Variants in CORIN observed in about 807,000 individuals in gnomAD.
CORIN encodes the protein corin, serine peptidase, also known as atrial natriuretic peptide-converting enzyme.
CORIN carries 117 observed loss-of-function variants against 125.3 expected under a neutral mutation model. The observed-to-expected ratio is 0.93, with a 90% CI of 0.80 to 1.09. The LOEUF (loss-of-function observed/expected upper bound fraction) is 1.09, where lower values mean the gene tolerates loss of function less well. Ranked by LOEUF, CORIN falls within the 50% of genes least tolerant of loss-of-function variation. CORIN has a pLI of 0.00. For synonymous variants in CORIN, 450 were observed against 466.4 expected (o/e 0.96, Z 0.45); for missense variants, 1,253 against 1,306.7 (o/e 0.96, Z 0.63).
intron 1 of CORIN, among the ~76,000 whole-genome samples, chr4:47,807,993 T>C (rs980899068): frequency 1.3e-5 from 2 of 152,230 alleles, no homozygotes; most frequent in Admixed American, 6.5e-5. Flanking sequence ...AACTACCTCC[T>C]GAATCTCTCT....
intron 4 of CORIN, among the ~76,000 whole-genome samples, chr4:47,749,889 T>C (rs1407038262): frequency 6.6e-6 from 1 of 152,210 alleles, no homozygotes; most frequent in Non-Finnish European, 1.5e-5. Context: ...GTGAAGAGAA[T>C]GTTAATGCTG....
chr4:47,642,998 C>T (rs1358448919), intron 15 of CORIN, 148 bp downstream of exon 15: 1 of 1,538,864 alleles, frequency 6.5e-7, no homozygotes, highest in Non-Finnish European at 8.7e-7. Context: ...AAATAACACA[C>T]ATAGATCAGC....
In CORIN at chr4:47,653,542, C is replaced by T. The variant is rs549103251; in HGVS notation, c.1843+11G>A. Reference sequence around the variant, plus strand: ...TGTACATTCAAGAAAAGTACCATTGCACATACATACCACAGTTTTCCTCAT... The same window carrying T: ...TGTACATTCAAGAAAAGTACCATTGTACATACATACCACAGTTTTCCTCAT... On this transcript the variant is annotated intron_variant, in intron 13 of 21. Coordinates refer to ENST00000273857, the MANE Select transcript of CORIN (RefSeq NM_006587.4). 6.2e-7 allele frequency: 1 copy of T among 1,604,252 alleles called. No individual in the cohort carries two copies. Among genetic ancestry groups the T allele is most frequent in the Non-Finnish European group, 8.5e-7 (1 of 1,171,068 alleles).
intron 13 of CORIN, among the ~76,000 whole-genome samples, chr4:47,645,563 T>C (rs1723431580): frequency 1.3e-5 from 2 of 151,462 alleles, no homozygotes; most frequent in Non-Finnish European, 1.5e-5. Flanking sequence ...TATTGTGATA[T>C]AAATTGTACA....
chr4:47,775,572 G>C (rs1006180827), intron 3 of CORIN, among the ~76,000 whole-genome samples: 1 of 152,030 alleles, frequency 6.6e-6, no homozygotes, highest in Admixed American at 6.5e-5. Flanking sequence ...GCTGCATAGT[G>C]TTCCATGGTG....
intron 5 of CORIN, among the ~76,000 whole-genome samples, chr4:47,713,966 A>G (rs1389451575): frequency 6.6e-6 from 1 of 152,132 alleles, no homozygotes; most frequent in African/African-American, 2.4e-5. Context: ...AGGTGTGGCC[A>G]TATATTCAAA....
At chr4:47,670,578 A>G (rs1724703711) in intron 10 of CORIN, among the ~76,000 whole-genome samples, 1 of 152,224 alleles carries the variant, frequency 6.6e-6, no homozygotes, top group African/African-American at 2.4e-5. Context: ...TGCACGAGTA[A>G]GCGTAAAACT....
chr4:47,628,527 C>T (rs572211555), intron 16 of CORIN, among the ~76,000 whole-genome samples: 1 of 151,708 alleles, frequency 6.6e-6, no homozygotes, highest in African/African-American at 2.4e-5. Flanking sequence ...AATTTAGCAT[C>T]GTTAACTATA....
chr4:47,603,794 T>C (rs1721541855), intron 19 of CORIN, 126 bp from the exon 20 acceptor site: 15 of 1,021,180 alleles, frequency 1.5e-5, no homozygotes, highest in Non-Finnish European at 2.1e-5. Context: ...TCTCAATGTA[T>C]TCATATAAGT....
intron 7 of CORIN, 140 bp downstream of exon 7, chr4:47,683,591 T>G (rs1392856668): frequency 1.6e-6 from 1 of 607,740 alleles, no homozygotes. Flanking sequence ...CTGAACAAAC[T>G]TCCTCCTTCT....
chr4:47,779,561 G>A (rs879565755), intron 3 of CORIN, among the ~76,000 whole-genome samples: 1 of 151,348 alleles, frequency 6.6e-6, no homozygotes, highest in Admixed American at 6.6e-5. Context: ...TCAGCCTCCC[G>A]AGTAGCTGGG....
At chr4:47,617,882 A>G (rs1176224568) in intron 19 of CORIN, among the ~76,000 whole-genome samples, 1 of 150,748 alleles carries the variant, frequency 6.6e-6, no homozygotes, top group Non-Finnish European at 1.5e-5. Context: ...GCAAGAACAA[A>G]GATTTTGTTC....
rs1015156316 is a variant in CORIN at position 47,657,276 on chromosome 4, G to A, written c.1736-3616C>T. On this transcript the variant is annotated intron_variant, in intron 12 of 21. Coordinates refer to ENST00000273857, the MANE Select transcript of CORIN (RefSeq NM_006587.4). The stretch of plus-strand genomic sequence containing the variant: ...CAGCCAGGCGTGGTGGCTCATGCCT[G>A]TAATCCCAGCACTTTGGGAGGCCAA... Among the ~76,000 whole-genome samples, 4 of 152,170 alleles carry A rather than the reference G, an allele frequency of 2.6e-5. No individual in the cohort carries two copies. In the South Asian group the frequency reaches 6.2e-4, roughly 24 times the overall value.
intron 2 of CORIN, among the ~76,000 whole-genome samples, chr4:47,800,832 C>T (rs1560555127): frequency 6.6e-6 from 1 of 152,174 alleles, no homozygotes; most frequent in Non-Finnish European, 1.5e-5. Flanking sequence ...TTCTGGGTTC[C>T]TTTCCTTCTC....
At chr4:47,672,451 C>T (rs1406216282) in intron 10 of CORIN, among the ~76,000 whole-genome samples, 1 of 152,142 alleles carries the variant, frequency 6.6e-6, no homozygotes, top group Non-Finnish European at 1.5e-5. Flanking sequence ...AAGTGTCATT[C>T]CATGTCAAAC....
At chr4:47,787,631 T>A (rs2109918739) in intron 2 of CORIN, among the ~76,000 whole-genome samples, 1 of 152,326 alleles carries the variant, frequency 6.6e-6, no homozygotes, top group African/African-American at 2.4e-5. Context: ...AAAAAATTTA[T>A]TTCCATAGGT....
Position 47,677,920 on chromosome 4 carries a change from G to A in CORIN, c.1249+18C>T. On this transcript the variant is annotated intron_variant, in intron 9 of 21. Coordinates refer to ENST00000273857, the MANE Select transcript of CORIN (RefSeq NM_006587.4). ...ACCACCAGTAAAGGAATGTTCTGGG[G>A]TGGTGGGACACACTTACTGACGCTG... 1 of 1,532,928 alleles carries A rather than the reference G, an allele frequency of 6.5e-7. No individual in the cohort carries two copies. The highest frequency in any genetic ancestry group is 9.0e-7 in the Non-Finnish European group (1 of 1,105,828). The allele number at this position is 1,532,928 out of a possible 1,614,324, so 95.0% of individuals were successfully genotyped here.
At chr4:47,644,836 A>G (rs1285696635) in intron 14 of CORIN, among the ~76,000 whole-genome samples, 1 of 152,036 alleles carries the variant, frequency 6.6e-6, no homozygotes, top group Non-Finnish European at 1.5e-5. Flanking sequence ...ATTATTGGAT[A>G]TTTGGAGGTA....
At chr4:47,708,130 C>T (rs773780912) in intron 5 of CORIN, among the ~76,000 whole-genome samples, 20 of 152,182 alleles carry the variant, frequency 1.3e-4, no homozygotes, top group East Asian at 1.2e-3. Context: ...TCAAGAGGGC[C>T]GTATTAGTTT....
Sources: gnomAD v4.1 joint callset for allele counts (sites outside exome capture counted in the v4.1 genomes callset) on GRCh38, gnomAD v4.1.1 for gene constraint, MANE v1.5 for transcripts, NCBI Gene and HGNC (gene_info 2026-07-23, HGNC 2026-07-21) for gene names.